FZD9: variants seen among roughly 807,000 people sequenced by gnomAD.
The protein encoded by FZD9 is frizzled class receptor 9.
FZD9 carries 29 observed loss-of-function variants against 29.9 expected under a neutral mutation model. That is an observed-to-expected ratio of 0.97 (90% CI 0.72 to 1.32). The LOEUF (loss-of-function observed/expected upper bound fraction) is 1.32. FZD9 is among the 40% of genes most tolerant of loss of function. The pLI is 0.00. For synonymous variants in FZD9, 384 were observed against 393.9 expected (o/e 0.97, Z 0.30); for missense variants, 822 against 857.8 (o/e 0.96, Z 0.52).
chr7:73,434,467 G>C lies in FZD9; in HGVS notation c.460G>C (p.Glu154Gln), dbSNP rs1554563297. The C allele has an allele frequency of 6.6e-7, 1 of 1,507,510 alleles. No homozygotes were observed. The highest frequency in any genetic ancestry group is 2.2e-5 in the Admixed American group (1 of 46,498). The allele number at this position is 1,507,510 out of a possible 1,614,324, so 93.4% of individuals were successfully genotyped here. A position where few individuals can be genotyped will look rare whatever the true frequency, so the allele number is the denominator to read the frequency against. ...CAACGACCCGCACGCGCTGTGCATG[G>C]AGGCGCCCGAGAACGCCACGGCCGG... The part of the protein sequence containing the change: ...TRNDPHALCM[E>Q]APENATAGPA... Residue 154 changes from glutamate to glutamine, a missense_variant, in exon 1 of 1, where the codon GAG (glutamate) becomes CAG (glutamine). Glu to Gln is a conservative substitution (Grantham distance 29). Transcript: ENST00000344575.
Position 73,434,425 on chromosome 7 carries a change from G to T in FZD9, c.418G>T (p.Ala140Ser). The change falls in exon 1 of 1, where the codon GCC becomes TCC. Residue 140 changes from alanine to serine, a missense_variant. Ala to Ser is a moderately conservative substitution (Grantham distance 99). Coordinates refer to ENST00000344575, the MANE Select transcript of FZD9 (RefSeq NM_003508.3). Reference protein sequence around the residue: ...NFGWPDSLDCARLPTRNDPHA... With the variant: ...NFGWPDSLDCSRLPTRNDPHA... ...CGGCTGGCCGGACTCGCTCGACTGC[G>T]CCCGGCTGCCCACGCGCAACGACCC... The T allele has an allele frequency of 1.3e-6, 2 of 1,559,054 alleles. No homozygotes were observed. The highest frequency in any genetic ancestry group is 1.2e-5 in the South Asian group (1 of 85,002).
Position 73,435,132 on chromosome 7 carries a change from C to T in FZD9, c.1125C>T (p.Thr375=), listed in dbSNP as rs782738625. 6.2e-7 allele frequency: 1 copy of T among 1,612,066 alleles called. No homozygotes were observed. Among genetic ancestry groups the T allele is most frequent in the Non-Finnish European group, 8.5e-7 (1 of 1,179,402 alleles). The change falls in exon 1 of 1, where the codon ACC becomes ACT. Residue 375 remains threonine, a synonymous_variant. Coordinates refer to ENST00000344575, the MANE Select transcript of FZD9 (RefSeq NM_003508.3). Reference sequence around the variant, plus strand: ...CGCTCAAGACCATCGTCATCCTGACCCTGCGCAAGGTGGCGGGTGATGAGC... The same window carrying T: ...CGCTCAAGACCATCGTCATCCTGACTCTGCGCAAGGTGGCGGGTGATGAGC... ...LPALKTIVIL[T]LRKVAGDELT...
At position 73,435,303 on chromosome 7, in the gene FZD9, G is replaced by A; in HGVS notation, c.1296G>A (p.Lys432=). The change falls in exon 1 of 1, where the codon AAG becomes AAA. Residue 432 remains lysine (K), a synonymous_variant. Coordinates refer to ENST00000344575, the MANE Select transcript of FZD9 (RefSeq NM_003508.3). ...TCTTCCACATCCGCAAGATCATGAA[G>A]ACGGGCGGCACCAACACAGAGAAGC... The part of the protein sequence containing the change: ...VALFHIRKIM[K]TGGTNTEKLE... The A allele has an allele frequency of 6.2e-7, 1 of 1,613,862 alleles. No homozygotes were observed. The highest frequency in any genetic ancestry group is 8.5e-7 in the Non-Finnish European group (1 of 1,179,930).
chr7:73,434,236 G>T lies in FZD9; in HGVS notation c.229G>T (p.Ala77Ser), dbSNP rs1334996848. 6.3e-7 allele frequency: 1 copy of T among 1,581,288 alleles called. No homozygotes were observed. Residue 77 changes from alanine (A) to serine (S), a missense_variant, in exon 1 of 1, where the codon GCG (alanine) becomes TCG (serine). Coordinates refer to ENST00000344575, the MANE Select transcript of FZD9 (RefSeq NM_003508.3). ...GEAAAELAEF[A>S]PLVQYGCHSH... ...GGCGGCTGCCGAGCTAGCGGAGTTCGCGCCGCTGGTGCAGTACGGCTGCCA... is the reference window on the plus strand; with the variant it reads ...GGCGGCTGCCGAGCTAGCGGAGTTCTCGCCGCTGGTGCAGTACGGCTGCCA...
chr7:73,434,220 C>T lies in FZD9; in HGVS notation c.213C>T (p.Ala71=). The change falls in exon 1 of 1, where the codon GCC becomes GCT. Residue 71 remains alanine, a synonymous_variant. Transcript: ENST00000344575. ...LGHTSQGEAA[A]ELAEFAPLVQ... ...ACACGTCGCAGGGCGAGGCGGCTGC[C>T]GAGCTAGCGGAGTTCGCGCCGCTGG... 6.3e-7 allele frequency: 1 copy of T among 1,577,206 alleles called. No individual in the cohort carries two copies.
At position 73,435,890 on chromosome 7, in the gene FZD9, T is replaced by C. The variant is rs1475663291; in HGVS notation, c.*107T>C. The C allele has an allele frequency of 1.4e-6, 2 of 1,429,960 alleles. No homozygotes were observed. Among genetic ancestry groups the C allele is most frequent in the Non-Finnish European group, 1.9e-6 (2 of 1,057,180 alleles). The allele number at this position is 1,429,960 out of a possible 1,614,324, so 88.6% of individuals were successfully genotyped here. ...ACTAGCAGCTGCCCAGCTGTCAAGG[T>C]CAGGCAAGTGAGCACCGGGGACTGA... is the stretch of plus-strand genomic sequence containing the variant. On this transcript the variant is annotated 3_prime_UTR_variant, in exon 1 of 1. Coordinates refer to ENST00000344575, the MANE Select transcript of FZD9 (RefSeq NM_003508.3).
At position 73,434,533 on chromosome 7, in the gene FZD9, G is replaced by T. The variant is rs1554563327; in HGVS notation, c.526G>T (p.Ala176Ser). Residue 176 changes from alanine (A) to serine (S), a missense_variant, in exon 1 of 1, where the codon GCG becomes TCG. Physicochemically the swap from Ala to Ser is moderately conservative, Grantham distance 99. Transcript: ENST00000344575. Reference sequence around the variant, plus strand: ...CAAGGGCCTGGGCATGCTGCCCGTGGCGCCGCGGCCCGCGCGCCCTCCCGG... The same window carrying T: ...CAAGGGCCTGGGCATGCTGCCCGTGTCGCCGCGGCCCGCGCGCCCTCCCGG... ...PHKGLGMLPVAPRPARPPGDL... is the reference protein window; with the variant it reads ...PHKGLGMLPVSPRPARPPGDL... The T allele has an allele frequency of 7.0e-7, 1 of 1,422,562 alleles. No individual in the cohort carries two copies. The highest frequency in any genetic ancestry group is 9.1e-7 in the Non-Finnish European group (1 of 1,100,550). 88.1% of individuals were successfully genotyped at this position (1,422,562 alleles called of 1,614,324 possible). A position where few individuals can be genotyped will look rare whatever the true frequency, so the allele number is the denominator to read the frequency against.
In FZD9 at chr7:73,435,662, C is replaced by G. The variant is rs782180681; in HGVS notation, c.1655C>G (p.Ala552Gly). Reference protein sequence around the residue: ...YRKIAAGRARAKACRAPGSYG... With the variant: ...YRKIAAGRARGKACRAPGSYG... ...AAGATAGCAGCTGGCCGGGCCCGGG[C>G]CAAGGCCTGCCGCGCCCCCGGGAGC... Residue 552 changes from alanine (A) to glycine (G), a missense_variant, in exon 1 of 1, where the codon GCC becomes GGC. Coordinates refer to ENST00000344575, the MANE Select transcript of FZD9 (RefSeq NM_003508.3). 24 of 1,612,982 alleles carry G rather than the reference C, an allele frequency of 1.5e-5. No homozygotes were observed. The East Asian group carries it at 5.1e-4, about 34-fold the overall frequency.
Position 73,434,633 on chromosome 7 carries a change from G to T in FZD9, c.626G>T (p.Arg209Leu). Residue 209 changes from arginine to leucine, a missense_variant, in exon 1 of 1, where the codon CGC becomes CTC. By Grantham distance (102) the Arg-to-Leu change is moderately radical. Transcript: ENST00000344575. ...PEKFQYVEKS[R>L]SCAPRCGPGV... ...AAGTTCCAGTACGTGGAGAAGAGCCGCTCGTGCGCACCGCGCTGCGGGCCC... is the reference window on the plus strand; with the variant it reads ...AAGTTCCAGTACGTGGAGAAGAGCCTCTCGTGCGCACCGCGCTGCGGGCCC... The T allele has an allele frequency of 6.3e-7, 1 of 1,592,816 alleles. No homozygotes were observed. The highest frequency in any genetic ancestry group is 8.5e-7 in the Non-Finnish European group (1 of 1,175,850).
In FZD9 at chr7:73,435,623, G is replaced by A; in HGVS notation, c.1616G>A (p.Ser539Asn). 6.2e-7 allele frequency: 1 copy of A among 1,613,190 alleles called. No homozygotes were observed. Among genetic ancestry groups the A allele is most frequent in the Non-Finnish European group, 8.5e-7 (1 of 1,179,890 alleles). The stretch of plus-strand genomic sequence containing the variant: ...TCCAAGACTTTCCAGACCTGGCAGA[G>A]CCTGTGCTACCGCAAGATAGCAGCT... ...WSSKTFQTWQ[S>N]LCYRKIAAGR... is the part of the protein sequence containing the mutation. The change falls in exon 1 of 1, where the codon AGC becomes AAC. Residue 539 changes from serine (S) to asparagine (N), a missense_variant. Physicochemically the swap from Ser to Asn is conservative, Grantham distance 46. Transcript: ENST00000344575.
rs568135369 is a variant in FZD9, at chr7:73,435,971, G to T, written c.*188G>T. The T allele has an allele frequency of 1.2e-4, 88 of 706,816 alleles. No homozygotes were observed. In the South Asian group the frequency reaches 1.3e-3, roughly 10 times the overall value. 43.8% of individuals were successfully genotyped at this position (706,816 alleles called of 1,614,324 possible). A position where few individuals can be genotyped will look rare whatever the true frequency, so the allele number is the denominator to read the frequency against. On this transcript the variant is annotated 3_prime_UTR_variant, in exon 1 of 1. Transcript: ENST00000344575. Reference sequence around the variant, plus strand: ...AGGGGAGATGGGGGTCTCCCCTAATGCGGGGGCTGGACCAGGCTGAGTCCC... The same window carrying T: ...AGGGGAGATGGGGGTCTCCCCTAATTCGGGGGCTGGACCAGGCTGAGTCCC...
Position 73,433,961 on chromosome 7 carries a change from CGAGT to C in FZD9, c.-43_-40del. 8.6e-7 allele frequency: 1 copy of C among 1,158,258 alleles called. No homozygotes were observed. The highest frequency in any genetic ancestry group is 1.1e-6 in the Non-Finnish European group (1 of 941,052). The allele number at this position is 1,158,258 out of a possible 1,614,324, so 71.7% of individuals were successfully genotyped here. A position where few individuals can be genotyped will look rare whatever the true frequency, so the allele number is the denominator to read the frequency against. The stretch of plus-strand genomic sequence containing the variant: ...CACCGGGGCGCGGGACCGCTGAGCC[CGAGT>C]GAGCCGGGGCCGCGCTCCCGCCTTC... On this transcript the variant is annotated 5_prime_UTR_variant, in exon 1 of 1. An upstream open reading frame in the 5' UTR loses its in-frame stop. Transcript: ENST00000344575.
rs782410069 is a variant in FZD9, at chr7:73,434,166, C to T, written c.159C>T (p.Asn53=). The change falls in exon 1 of 1, where the codon AAC becomes AAT. Residue 53 remains asparagine (N), a synonymous_variant. Transcript: ENST00000344575. ...EIPMCRGIGY[N]LTRMPNLLGH... Reference sequence around the variant, plus strand: ...CCATGTGCCGCGGCATCGGCTACAACCTGACCCGCATGCCCAACCTGCTGG... The same window carrying T: ...CCATGTGCCGCGGCATCGGCTACAATCTGACCCGCATGCCCAACCTGCTGG... 1 of 1,570,878 alleles carries T rather than the reference C, an allele frequency of 6.4e-7. No individual in the cohort carries two copies. The highest frequency in any genetic ancestry group is 8.6e-7 in the Non-Finnish European group (1 of 1,165,972).
At position 73,434,874 on chromosome 7, in the gene FZD9, G is replaced by A. The variant is rs1275816380; in HGVS notation, c.867G>A (p.Ala289=). Residue 289 remains alanine, a synonymous_variant, in exon 1 of 1, where the codon GCG becomes GCA. Transcript: ENST00000344575. ...LAFLIRAVAG[A]QSVACDQEAG... is the part of the protein sequence containing the mutation. ...TCCTGATCCGTGCGGTGGCCGGAGCGCAGAGCGTGGCCTGTGACCAGGAGG... is the reference window on the plus strand; with the variant it reads ...TCCTGATCCGTGCGGTGGCCGGAGCACAGAGCGTGGCCTGTGACCAGGAGG... The A allele has an allele frequency of 3.1e-6, 5 of 1,613,408 alleles. No individual in the cohort carries two copies. The African/African-American group carries it at 4.0e-5, about 13-fold the overall frequency.
chr7:73,435,263 C>T lies in FZD9; in HGVS notation c.1256C>T (p.Thr419Ile). 2 of 1,613,770 alleles carry T rather than the reference C, an allele frequency of 1.2e-6. No homozygotes were observed. Among genetic ancestry groups the T allele is most frequent in the Non-Finnish European group, 1.7e-6 (2 of 1,179,944 alleles). The change falls in exon 1 of 1, where the codon ACC becomes ATC. Residue 419 changes from threonine (T) to isoleucine (I), a missense_variant. By Grantham distance (89) the Thr-to-Ile change is moderately conservative. Coordinates refer to ENST00000344575, the MANE Select transcript of FZD9 (RefSeq NM_003508.3). ...GTGCTGGGCAGTAGTTTCCTCCTGA[C>T]CGGCTTCGTGGCCCTCTTCCACATC... The part of the protein sequence containing the change: ...YLVLGSSFLL[T>I]GFVALFHIRK...
At position 73,435,634 on chromosome 7, in the gene FZD9, C is replaced by G; in HGVS notation, c.1627C>G (p.Arg543Gly). Reference protein sequence around the residue: ...TFQTWQSLCYRKIAAGRARAK... With the variant: ...TFQTWQSLCYGKIAAGRARAK... ...CCAGACCTGGCAGAGCCTGTGCTAC[C>G]GCAAGATAGCAGCTGGCCGGGCCCG... is the stretch of plus-strand genomic sequence containing the variant. The change falls in exon 1 of 1, where the codon CGC (arginine) becomes GGC (glycine). Residue 543 changes from arginine (R) to glycine (G), a missense_variant. Transcript: ENST00000344575. 2 of 1,613,168 alleles carry G rather than the reference C, an allele frequency of 1.2e-6. No homozygotes were observed. The highest frequency in any genetic ancestry group is 1.7e-6 in the Non-Finnish European group (2 of 1,179,864).
At position 73,435,975 on chromosome 7, in the gene FZD9, G is replaced by A. The variant is rs113683726; in HGVS notation, c.*192G>A. ...GAGATGGGGGTCTCCCCTAATGCGG[G>A]GGCTGGACCAGGCTGAGTCCCCACA... On this transcript the variant is annotated 3_prime_UTR_variant, in exon 1 of 1. Transcript: ENST00000344575. The A allele has an allele frequency of 7.2e-3, 4,880 of 680,110 alleles. 39 individuals carry two copies. The highest frequency in any genetic ancestry group is 9.3e-3 in the Non-Finnish European group (3,891 of 416,154). The allele number at this position is 680,110 out of a possible 1,614,324, so 42.1% of individuals were successfully genotyped here.
rs568135369 is a variant in FZD9 at position 73,435,971 on chromosome 7, G to C, written c.*188G>C. 2.8e-6 allele frequency: 2 copies of C among 706,816 alleles called. No individual in the cohort carries two copies. Among genetic ancestry groups the C allele is most frequent in the Non-Finnish European group, 4.6e-6 (2 of 437,016 alleles). 43.8% of individuals were successfully genotyped at this position (706,816 alleles called of 1,614,324 possible). On this transcript the variant is annotated 3_prime_UTR_variant, in exon 1 of 1. Transcript: ENST00000344575. ...AGGGGAGATGGGGGTCTCCCCTAAT[G>C]CGGGGGCTGGACCAGGCTGAGTCCC... is the stretch of plus-strand genomic sequence containing the variant.
Position 73,435,859 on chromosome 7 carries a change from C to G in FZD9, c.*76C>G, listed in dbSNP as rs1787413857. ...CCCTGCCCCCTGCATCCCCTAGAGA[C>G]AGCTGACTAGCAGCTGCCCAGCTGT... On this transcript the variant is annotated 3_prime_UTR_variant, in exon 1 of 1. Transcript: ENST00000344575. 2 of 1,504,428 alleles carry G rather than the reference C, an allele frequency of 1.3e-6. No homozygotes were observed. Among genetic ancestry groups the G allele is most frequent in the African/African-American group, 1.4e-5 (1 of 71,388 alleles). The allele number at this position is 1,504,428 out of a possible 1,614,324, so 93.2% of individuals were successfully genotyped here. A position where few individuals can be genotyped will look rare whatever the true frequency, so the allele number is the denominator to read the frequency against.
Sources: allele counts gnomAD v4.1 joint callset, GRCh38; gene constraint gnomAD v4.1.1; transcripts MANE v1.5; gene names NCBI Gene and HGNC (gene_info 2026-07-23, HGNC 2026-07-21).